The following TRUB1 variants were observed in gnomAD, a reference collection of about 807,000 sequenced individuals.
The protein encoded by TRUB1 is pseudouridylate synthase TRUB1.
Under a neutral mutation model 33.9 loss-of-function variants are expected in TRUB1, and 23 were observed. That is an observed-to-expected ratio of 0.68 (90% CI 0.49 to 0.96). The LOEUF is 0.96. TRUB1 is among the 40% of genes least tolerant of loss of function. The pLI is 0.00. For synonymous variants in TRUB1, 163 were observed against 165.4 expected, an observed-to-expected ratio of 0.99 and a Z score of 0.11; for missense variants, 378 against 422.2, an observed-to-expected ratio of 0.90 and a Z score of 0.92.
chr10:114,939,821 C>CTTTTTTTTTTTTTTT (rs199856592), intron 1 of TRUB1, among the ~76,000 whole-genome samples: 1 of 103,490 alleles, frequency 9.7e-6, no homozygotes, highest in African/African-American at 4.4e-5. Flanking sequence ...CTCTGGGTTT[C>CTTTTTTTTTTTTTTT]TTTTCTTTTT....
chr10:114,973,755 C>T (rs1158838730), intron 6 of TRUB1, among the ~76,000 whole-genome samples: 1 of 152,118 alleles, frequency 6.6e-6, no homozygotes, highest in African/African-American at 2.4e-5. Context: ...ATGATTTCTT[C>T]AGGAGTATTT....
intron 4 of TRUB1, among the ~76,000 whole-genome samples, chr10:114,966,217 T>TGTAC (rs894123908): frequency 3.9e-5 from 6 of 152,192 alleles, no homozygotes; most frequent in Admixed American, 2.6e-4. Flanking sequence ...TTTTTGCATA[T>TGTAC]GTACATCGTT....
In TRUB1 at chr10:114,939,216, G is replaced by A. The variant is rs143106659; in HGVS notation, c.286+677G>A. 8.5e-4 allele frequency among the ~76,000 whole-genome samples: 130 copies of A among 152,234 alleles called. 1 individual carries two copies. In the East Asian group the frequency reaches 0.023, roughly 27 times the overall value. On this transcript the variant is annotated intron_variant, in intron 1 of 7. Transcript: ENST00000298746. The stretch of plus-strand genomic sequence containing the variant: ...TTGATTCGTTTATTCACGTACACTG[G>A]GAAAATAGTAGAAAAGCCTAGAGAA...
At chr10:114,964,989 G>A (rs1449959411) in intron 4 of TRUB1, among the ~76,000 whole-genome samples, 3 of 146,668 alleles carry the variant, frequency 2.0e-5, no homozygotes, top group Non-Finnish European at 4.4e-5. Context: ...GAGTGCAGTA[G>A]CACAATCTTG....
At chr10:114,972,617 T>C (rs2084342639) in intron 6 of TRUB1, among the ~76,000 whole-genome samples, 1 of 152,178 alleles carries the variant, frequency 6.6e-6, no homozygotes, top group Non-Finnish European at 1.5e-5. Context: ...TATTATCTTT[T>C]GGATGCTTTT....
chr10:114,961,559 T>TA, intron 4 of TRUB1, among the ~76,000 whole-genome samples: 1 of 152,332 alleles, frequency 6.6e-6, no homozygotes, highest in South Asian at 2.1e-4. Flanking sequence ...CTTATTTACT[T>TA]ACCTTAAAGA....
At chr10:114,953,169 A>G (rs984573527) in intron 3 of TRUB1, among the ~76,000 whole-genome samples, 1 of 152,152 alleles carries the variant, frequency 6.6e-6, no homozygotes, top group Non-Finnish European at 1.5e-5. Context: ...GAAAATGTAA[A>G]TACATCATTG....
chr10:114,946,656 GAAACAAACAAAC>G (rs200573152), intron 2 of TRUB1, among the ~76,000 whole-genome samples: 10 of 151,788 alleles, frequency 6.6e-5, no homozygotes, highest in African/African-American at 2.4e-4. Context: ...GGTCTTTTTT[GAAACAAACAAAC>G]AAACAAACAA....
At chr10:114,957,724 T>G (rs1420322325) in intron 3 of TRUB1, among the ~76,000 whole-genome samples, 1 of 152,180 alleles carries the variant, frequency 6.6e-6, no homozygotes, top group African/African-American at 2.4e-5. Context: ...GAATGGGCAT[T>G]GCATACTTGG....
chr10:114,949,709 A>G (rs1323820961), intron 2 of TRUB1, among the ~76,000 whole-genome samples: 3 of 152,190 alleles, frequency 2.0e-5, no homozygotes, highest in Non-Finnish European at 4.4e-5. Context: ...GGCTGGTTGC[A>G]GTGAGGAGAA....
In TRUB1 at chr10:114,972,170, C is replaced by T. The variant is rs1282219997; in HGVS notation, c.632C>T (p.Ser211Leu). ...TTAAAGAAAGATGGACAAAGACTTT[C>T]GACTTTGATGAAGAGAGGTGAAGTC... The part of the protein sequence containing the change: ...SALKKDGQRL[S>L]TLMKRGEVVE... Residue 211 changes from serine to leucine, a missense_variant, in exon 6 of 8, where the codon TCG becomes TTG. By Grantham distance (145) the Ser-to-Leu change is moderately radical. Coordinates refer to ENST00000298746, the MANE Select transcript of TRUB1 (RefSeq NM_139169.5). 6.2e-6 allele frequency: 10 copies of T among 1,613,392 alleles called. No homozygotes were observed. The highest frequency in any genetic ancestry group is 2.7e-5 in the African/African-American group (2 of 74,850).
chr10:114,974,498 C>A, intron 7 of TRUB1, 113 bp downstream of exon 7: 1 of 791,546 alleles, frequency 1.3e-6, no homozygotes, highest in Non-Finnish European at 2.0e-6. Flanking sequence ...AGGAACTGAA[C>A]TCTTGCTGCC....
intron 2 of TRUB1, among the ~76,000 whole-genome samples, chr10:114,945,119 A>G (rs1459093176): frequency 6.6e-6 from 1 of 152,224 alleles, no homozygotes; most frequent in African/African-American, 2.4e-5. Flanking sequence ...TTTACAGAAG[A>G]AGAAAGGAAG....
Position 114,977,585 on chromosome 10 carries a change from G to A in TRUB1, c.*2206G>A, listed in dbSNP as rs1257791940. The A allele has an allele frequency of 6.6e-6, 1 of 151,952 alleles. No individual in the cohort carries two copies. The highest frequency in any genetic ancestry group is 2.4e-5 in the African/African-American group (1 of 41,414). The allele number at this position is 151,952 out of a possible 1,614,324, so 9.4% of individuals were successfully genotyped here. On this transcript the variant is annotated 3_prime_UTR_variant, in exon 8 of 8. Coordinates refer to ENST00000298746, the MANE Select transcript of TRUB1 (RefSeq NM_139169.5). ...GTTGTTGCTAATTTAGTAAACATAG[G>A]AGAGAAATCAAAGTTTTTCTGATTT...
intron 4 of TRUB1, among the ~76,000 whole-genome samples, chr10:114,965,748 T>G (rs1476198774): frequency 6.6e-6 from 1 of 152,212 alleles, no homozygotes; most frequent in Non-Finnish European, 1.5e-5. Flanking sequence ...AGCTATTGGA[T>G]ATACTATTTT....
At chr10:114,950,405 G>A (rs1221838910) in intron 2 of TRUB1, among the ~76,000 whole-genome samples, 4 of 152,156 alleles carry the variant, frequency 2.6e-5, no homozygotes, top group Non-Finnish European at 4.4e-5. Context: ...ATCTGTTGAT[G>A]ACAAATATTT....
chr10:114,960,280 T>A (rs1329278765), intron 4 of TRUB1, among the ~76,000 whole-genome samples: 2 of 152,186 alleles, frequency 1.3e-5, no homozygotes, highest in Non-Finnish European at 2.9e-5. Context: ...AAGCTATTTC[T>A]CTGGAAGTAA....
At chr10:114,961,772 T>C (rs1336705540) in intron 4 of TRUB1, among the ~76,000 whole-genome samples, 1 of 152,168 alleles carries the variant, frequency 6.6e-6, no homozygotes, top group Non-Finnish European at 1.5e-5. Context: ...TATTTTTTAT[T>C]TGTTGAAGCT....
At chr10:114,941,191 TTTCTC>T (rs952682943) in intron 1 of TRUB1, among the ~76,000 whole-genome samples, 1 of 152,136 alleles carries the variant, frequency 6.6e-6, no homozygotes, top group Non-Finnish European at 1.5e-5. Context: ...AGTTCCTGCT[TTTCTC>T]TTCTTTCTCA....
Sources: allele counts gnomAD v4.1 joint callset (sites outside exome capture counted in the v4.1 genomes callset), GRCh38; gene constraint gnomAD v4.1.1; transcripts MANE v1.5; gene names NCBI Gene and HGNC (gene_info 2026-07-23, HGNC 2026-07-21).